KIF1B: variants seen among roughly 807,000 people sequenced by gnomAD.
KIF1B encodes kinesin family member 1B.
A neutral mutation model predicts 241.9 loss-of-function variants in KIF1B; 76 were observed. That is an observed-to-expected ratio of 0.31 (90% CI 0.26 to 0.38). The LOEUF is 0.38. Among genes scored for constraint, KIF1B ranks in the 10% least tolerant of loss-of-function variants. The probability of loss-of-function intolerance (pLI) is 1.00; values close to 1 mark genes in which losing one functional copy is unlikely to be tolerated. For missense variants in KIF1B, 1,622 were observed against 2,271.4 expected (o/e 0.71, Z 5.81); for synonymous variants, 750 against 796.7 (o/e 0.94, Z 0.99).
chr1:10,328,039 A>G (rs574500972), intron 27 of KIF1B, among the ~76,000 whole-genome samples: 38 of 152,208 alleles, frequency 2.5e-4, no homozygotes, highest in Non-Finnish European at 4.7e-4. Flanking sequence ...TTTAAAAAAC[A>G]ATTAGCTGGG....
chr1:10,241,234 C>T (rs1647132855), intron 2 of KIF1B, among the ~76,000 whole-genome samples: 1 of 151,918 alleles, frequency 6.6e-6, no homozygotes, highest in Non-Finnish European at 1.5e-5. Flanking sequence ...ACCTCACTCC[C>T]CTAGTAGCTG....
At chr1:10,230,442 CT>C (rs59493302) in intron 1 of KIF1B, among the ~76,000 whole-genome samples, 5,831 of 140,540 alleles carry the variant, frequency 0.041, 125 homozygotes, top group Middle Eastern at 0.14. Flanking sequence ...TTTTTTCTTT[CT>C]TTTTTTTTTT....
At position 10,337,490 on chromosome 1, in the gene KIF1B, A is replaced by G; in HGVS notation, c.3379A>G (p.Ser1127Gly). Residue 1127 changes from serine to glycine, a missense_variant, in exon 31 of 49, where the codon AGT becomes GGT. Around this residue, in one of 7 missense-constraint regions of KIF1B, gnomAD observed 803 missense variants for 1,112.0 expected, o/e 0.72. Coordinates refer to ENST00000676179, the MANE Select transcript of KIF1B (RefSeq NM_001365951.3). The surrounding 1 kb of genome is among the most constrained non-coding windows in gnomAD (Gnocchi z 4.0). ...FTFRVTVLQASGILPEYADIF... is the reference protein window; with the variant it reads ...FTFRVTVLQAGGILPEYADIF... ...TTTCCGAGTAACAGTGTTGCAGGCC[A>G]GTGGAATCCTCCCAGAGTATGCAGA... The G allele has an allele frequency of 1.9e-6, 3 of 1,614,224 alleles. No homozygotes were observed. Among genetic ancestry groups the G allele is most frequent in the Non-Finnish European group, 1.7e-6 (2 of 1,180,042 alleles).
intron 37 of KIF1B, among the ~76,000 whole-genome samples, chr1:10,349,152 C>G (rs1652697230): frequency 6.6e-6 from 1 of 152,142 alleles, no homozygotes; most frequent in Admixed American, 6.5e-5. Flanking sequence ...AAAGAAATCT[C>G]TGCTGGCTGG....
chr1:10,277,105 A>C (rs114874202), intron 12 of KIF1B, among the ~76,000 whole-genome samples: 2,799 of 151,846 alleles, frequency 0.018, 42 homozygotes, highest in Non-Finnish European at 0.028. Flanking sequence ...TAAATTCTGA[A>C]GTCATAATAA....
intron 32 of KIF1B, 148 bp downstream of exon 32, chr1:10,340,007 A>C: frequency 1.4e-6 from 1 of 732,650 alleles, no homozygotes; most frequent in Non-Finnish European, 2.4e-6. Context: ...TGGTGAGGTC[A>C]TCCACAGCGG....
At chr1:10,321,057 A>G (rs1447618242) in intron 23 of KIF1B, among the ~76,000 whole-genome samples, 1 of 151,952 alleles carries the variant, frequency 6.6e-6, no homozygotes, top group African/African-American at 2.4e-5. Flanking sequence ...TAACAGAAAA[A>G]AAAAAAGAAA....
chr1:10,303,298 A>G lies in KIF1B; in HGVS notation c.2115+6052A>G, dbSNP rs1196899393. On this transcript the variant is annotated intron_variant, in intron 22 of 48. Coordinates refer to ENST00000676179, the MANE Select transcript of KIF1B (RefSeq NM_001365951.3). The surrounding 1 kb of genome is among the most constrained non-coding windows in gnomAD (Gnocchi z 5.2). ...TGTTAAAAAATGTGGCCTCCCAAGC[A>G]GTGGGAAGAAACGTGAACCAATTAA... 1.2e-6 allele frequency: 2 copies of G among 1,614,200 alleles called. No homozygotes were observed. The highest frequency in any genetic ancestry group is 2.2e-5 in the East Asian group (1 of 44,890).
At chr1:10,336,453 C>T (rs901684965) in intron 28 of KIF1B, among the ~76,000 whole-genome samples, 2 of 152,116 alleles carry the variant, frequency 1.3e-5, no homozygotes, top group African/African-American at 4.8e-5. Context: ...GGCCTGAAAC[C>T]GATTCTTTAT....
At chr1:10,296,502 A>G in intron 19 of KIF1B, 80 bp from the exon 20 acceptor site, 2 of 1,193,664 alleles carry the variant, frequency 1.7e-6, no homozygotes, top group Non-Finnish European at 1.2e-6. Flanking sequence ...CTTACTGCAA[A>G]TCCTGATAAG....
At chr1:10,243,534 C>G (rs951659659) in intron 2 of KIF1B, among the ~76,000 whole-genome samples, 2 of 152,152 alleles carry the variant, frequency 1.3e-5, no homozygotes, top group Non-Finnish European at 2.9e-5. Context: ...TGAATCCTTG[C>G]AATAATTATA....
chr1:10,342,452 A>T (rs1652432585), intron 33 of KIF1B, among the ~76,000 whole-genome samples: 1 of 152,222 alleles, frequency 6.6e-6, no homozygotes, highest in Non-Finnish European at 1.5e-5. Flanking sequence ...TAACATGAAA[A>T]TTGTTAAAAA....
chr1:10,291,862 G>T (rs184208639), intron 16 of KIF1B, among the ~76,000 whole-genome samples, 185 bp from the exon 17 acceptor site: 188 of 152,278 alleles, frequency 1.2e-3, no homozygotes, highest in Middle Eastern at 3.4e-3. Flanking sequence ...GATTTTGAAT[G>T]TGATGTTGCT....
At chr1:10,317,440 A>AT (rs951562161) in intron 22 of KIF1B, among the ~76,000 whole-genome samples, 5 of 151,186 alleles carry the variant, frequency 3.3e-5, no homozygotes, top group Non-Finnish European at 5.9e-5. Flanking sequence ...GGAAGCAGCT[A>AT]TTTTTTTCAA....
intron 48 of KIF1B, among the ~76,000 whole-genome samples, chr1:10,375,953 C>T (rs1638875723): frequency 6.6e-6 from 1 of 151,084 alleles, no homozygotes; most frequent in Non-Finnish European, 1.5e-5. Flanking sequence ...CCCGCCACCA[C>T]ACCCAGCTAA....
intron 2 of KIF1B, among the ~76,000 whole-genome samples, chr1:10,243,068 G>A (rs1452243665): frequency 6.6e-6 from 1 of 152,152 alleles, no homozygotes; most frequent in Admixed American, 6.5e-5. Context: ...GTCTGTTACT[G>A]ACACGTGTTC....
Position 10,267,952 on chromosome 1 carries a change from C to T in KIF1B, c.609-200C>T, listed in dbSNP as rs372142598. Among the ~76,000 whole-genome samples, 70 of 152,238 alleles carry T rather than the reference C, an allele frequency of 4.6e-4. 2 individuals carry two copies. The East Asian group carries it at 6.0e-3, about 13-fold the overall frequency. ...ATGAAAAATGATTCTGATGGGGTGC[C>T]TTTGGAATTGGAGAGTAACTTGATG... On this transcript the variant is annotated intron_variant, in intron 6 of 48. Coordinates refer to ENST00000676179, the MANE Select transcript of KIF1B (RefSeq NM_001365951.3).
chr1:10,254,038 A>G (rs943467598), intron 2 of KIF1B, among the ~76,000 whole-genome samples: 3 of 152,208 alleles, frequency 2.0e-5, no homozygotes, highest in African/African-American at 7.2e-5. Context: ...CACATCTCAA[A>G]GGAGTAGATT....
rs965885845 is a variant in KIF1B, at chr1:10,292,033, T to G, written c.1515-14T>G. ...TTTGGTATTAGTGTTCTGATATACC[T>G]GTTTTTTTCCTAGAGAGGCTTTGTT... On this transcript the variant is annotated splice_polypyrimidine_tract_variant and intron_variant, in intron 16 of 48. Coordinates refer to ENST00000676179, the MANE Select transcript of KIF1B (RefSeq NM_001365951.3). 1.2e-6 allele frequency: 2 copies of G among 1,611,064 alleles called. No homozygotes were observed. Among genetic ancestry groups the G allele is most frequent in the African/African-American group, 2.7e-5 (2 of 74,978 alleles).
Sources: allele counts gnomAD v4.1 joint callset (sites outside exome capture counted in the v4.1 genomes callset), GRCh38; gene constraint gnomAD v4.1.1; regional missense constraint gnomAD v4.1.1; non-coding constraint Gnocchi (gnomAD v3.1); transcripts MANE v1.5; gene names NCBI Gene and HGNC (gene_info 2026-07-23, HGNC 2026-07-21).